MOSMO: variants seen among roughly 807,000 people sequenced by gnomAD.
MOSMO encodes the protein modulator of smoothened.
Under a neutral mutation model 18.4 loss-of-function variants are expected in MOSMO, and 5 were observed. The observed-to-expected ratio is 0.27, with a 90% CI of 0.14 to 0.57. The LOEUF (loss-of-function observed/expected upper bound fraction) is 0.57. Among genes scored for constraint, MOSMO ranks in the 20% least tolerant of loss-of-function variants. MOSMO has a pLI of 0.92. For synonymous variants in MOSMO, 82 were observed against 82.3 expected, an observed-to-expected ratio of 1.00 and a Z score of 0.02; for missense variants, 138 against 211.8, an observed-to-expected ratio of 0.65 and a Z score of 2.16.
chr16:22,058,198 C>T lies in MOSMO; in HGVS notation c.107-17289C>T, dbSNP rs372618378. ...ATCCCAGCACTTTGGGAGGCCAAGG[C>T]GGGTAGATCACAAGGTCAGGCGTTT... On this transcript the variant is annotated intron_variant, in intron 1 of 2. Transcript: ENST00000542527. Among the ~76,000 whole-genome samples, 9 of 152,112 alleles carry T rather than the reference C, an allele frequency of 5.9e-5. No individual in the cohort carries two copies. The South Asian group carries it at 6.2e-4, about 11-fold the overall frequency.
At chr16:22,033,342 T>C (rs1900035340) in intron 1 of MOSMO, among the ~76,000 whole-genome samples, 1 of 152,180 alleles carries the variant, frequency 6.6e-6, no homozygotes, top group Non-Finnish European at 1.5e-5. Flanking sequence ...ATTAAATCTT[T>C]AGTTTCAGCA....
rs370736452 is a variant in MOSMO at position 22,050,007 on chromosome 16, C to G, written c.107-25480C>G. On this transcript the variant is annotated intron_variant, in intron 1 of 2. Coordinates refer to ENST00000542527, the MANE Select transcript of MOSMO (RefSeq NM_001164579.2). Reference sequence around the variant, plus strand: ...TCCATGCCATGGTTGGAGAGCTCACCTTGGAAAGTAAGCACTCTGTGGAAG... The same window carrying G: ...TCCATGCCATGGTTGGAGAGCTCACGTTGGAAAGTAAGCACTCTGTGGAAG... Among the ~76,000 whole-genome samples the G allele has an allele frequency of 1.7e-4, 26 of 152,258 alleles. No individual in the cohort carries two copies. The South Asian group carries it at 4.2e-3, about 24-fold the overall frequency.
intron 1 of MOSMO, among the ~76,000 whole-genome samples, chr16:22,042,959 C>G (rs773777309): frequency 4.6e-5 from 7 of 152,184 alleles, no homozygotes; most frequent in Non-Finnish European, 7.3e-5. Flanking sequence ...TCACACCCAC[C>G]TCTGTCTTAT....
intron 1 of MOSMO, among the ~76,000 whole-genome samples, chr16:22,070,495 G>C (rs1288781201): frequency 6.6e-6 from 1 of 152,018 alleles, no homozygotes; most frequent in African/African-American, 2.4e-5. Context: ...GGGAGAAACT[G>C]TAAGGATGGG....
chr16:22,020,383 C>T (rs1899734008), intron 1 of MOSMO, among the ~76,000 whole-genome samples: 1 of 149,524 alleles, frequency 6.7e-6, no homozygotes, highest in Non-Finnish European at 1.5e-5. Flanking sequence ...CAACCTCCGC[C>T]TCCCGGGTTC....
At chr16:22,084,692 T>C (rs950737842), downstream of MOSMO, 3 of 152,300 alleles carry the variant, frequency 2.0e-5, no homozygotes, top group Admixed American at 6.5e-5. Flanking sequence ...ATTTAAAAAA[T>C]TGATTTCTTA....
At chr16:22,073,927 A>C (rs1900911132) in intron 1 of MOSMO, among the ~76,000 whole-genome samples, 1 of 152,182 alleles carries the variant, frequency 6.6e-6, no homozygotes, top group Non-Finnish European at 1.5e-5. Flanking sequence ...GAAAAAGTAC[A>C]GCTTGTTTAT....
At chr16:22,061,991 A>G (rs1471359017) in intron 1 of MOSMO, among the ~76,000 whole-genome samples, 2 of 152,230 alleles carry the variant, frequency 1.3e-5, no homozygotes, top group African/African-American at 4.8e-5. Context: ...AACTTTTGTC[A>G]TTCTCCAAAG....
chr16:22,008,358 C>T lies in MOSMO; in HGVS notation c.57C>T (p.Ala19=), dbSNP rs1597990276. ...GCLFLAADIF[A]IASIANPDWI... ...TCTTTCTGGCCGCCGATATCTTCGC[C>T]ATCGCCAGCATCGCCAACCCGGACT... Residue 19 remains alanine (A), a synonymous_variant, in exon 1 of 3, where the codon GCC becomes GCT. Transcript: ENST00000542527. 1 of 1,533,978 alleles carries T rather than the reference C, an allele frequency of 6.5e-7. No individual in the cohort carries two copies. Among genetic ancestry groups the T allele is most frequent in the Non-Finnish European group, 8.7e-7 (1 of 1,146,050 alleles).
At chr16:22,062,392 A>C (rs147891090) in intron 1 of MOSMO, among the ~76,000 whole-genome samples, 7 of 152,244 alleles carry the variant, frequency 4.6e-5, no homozygotes, top group African/African-American at 1.7e-4. Context: ...ACATGTTCAT[A>C]GCTCACTGCA....
downstream of MOSMO, chr16:22,090,124 G>T (rs936779589): frequency 3.3e-5 from 5 of 152,152 alleles, no homozygotes; most frequent in African/African-American, 1.2e-4. Context: ...TCAGAAATTA[G>T]CATGGCATGT....
At chr16:22,049,595 C>T (rs1279882934) in intron 1 of MOSMO, among the ~76,000 whole-genome samples, 2 of 152,136 alleles carry the variant, frequency 1.3e-5, no homozygotes, top group East Asian at 3.9e-4. Flanking sequence ...GACTATTACC[C>T]CTTCATGTGT....
chr16:22,066,222 C>T (rs1431352422), intron 1 of MOSMO, among the ~76,000 whole-genome samples: 2 of 151,408 alleles, frequency 1.3e-5, no homozygotes, highest in Non-Finnish European at 2.9e-5. Context: ...ATTTTTAGGG[C>T]TTATCTTTGT....
At chr16:22,027,988 CG>C (rs1427777900) in intron 1 of MOSMO, among the ~76,000 whole-genome samples, 2 of 151,988 alleles carry the variant, frequency 1.3e-5, no homozygotes, top group Non-Finnish European at 1.5e-5. Flanking sequence ...TAAAATGTAT[CG>C]TTTTTTAGGT....
downstream of MOSMO, chr16:22,085,533 C>A (rs966975348): frequency 2.6e-5 from 4 of 152,052 alleles, no homozygotes; most frequent in Admixed American, 6.6e-5. Context: ...GTGGAGGGGA[C>A]ACTTTTTCTA....
At position 22,041,698 on chromosome 16, in the gene MOSMO, G is replaced by A. The variant is rs569810148; in HGVS notation, c.106+33291G>A. Among the ~76,000 whole-genome samples the A allele has an allele frequency of 2.5e-4, 38 of 149,288 alleles. No homozygotes were observed. In the South Asian group the frequency reaches 7.7e-3, roughly 30 times the overall value. On this transcript the variant is annotated intron_variant, in intron 1 of 2. Transcript: ENST00000542527. ...AACTTTAATTTTTTTTTTTTATTTT[G>A]GAGACACGGCCTCACTTTGTTGCCC...
At chr16:22,067,115 A>G (rs557264522) in intron 1 of MOSMO, among the ~76,000 whole-genome samples, 108 of 152,332 alleles carry the variant, frequency 7.1e-4, no homozygotes, top group African/African-American at 2.5e-3. Context: ...AATAGCTAAA[A>G]CAAATCAGAA....
chr16:22,071,380 A>T (rs926484568), intron 1 of MOSMO, among the ~76,000 whole-genome samples: 1 of 152,210 alleles, frequency 6.6e-6, no homozygotes, highest in African/African-American at 2.4e-5. Context: ...AGCACTCCAC[A>T]TGATTTGCTC....
At chr16:22,048,783 T>C (rs1053932021) in intron 1 of MOSMO, among the ~76,000 whole-genome samples, 1 of 152,110 alleles carries the variant, frequency 6.6e-6, no homozygotes, top group African/African-American at 2.4e-5. Flanking sequence ...GTTCAGGGTT[T>C]TCTTTCTTAC....
Sources: gnomAD v4.1 joint callset for allele counts (sites outside exome capture counted in the v4.1 genomes callset) on GRCh38, gnomAD v4.1.1 for gene constraint, MANE v1.5 for transcripts, NCBI Gene and HGNC (gene_info 2026-07-23, HGNC 2026-07-21) for gene names.